The following TBCD variants were observed in gnomAD, a reference collection of about 807,000 sequenced individuals.
The protein encoded by TBCD is tubulin folding cofactor D, also known as tubulin-specific chaperone D.
TBCD carries 105 observed loss-of-function variants against 169.3 expected under a neutral mutation model. That is an observed-to-expected ratio of 0.62 (90% confidence interval 0.53 to 0.73). TBCD has a LOEUF of 0.73. Ranked by LOEUF, TBCD falls within the 30% of genes least tolerant of loss-of-function variation. The pLI is 0.00. For missense variants in TBCD, 1,444 were observed against 1,600.1 expected (o/e 0.90, Z 1.66); for synonymous variants, 700 against 643.9 (o/e 1.09, Z -1.32).
At chr17:82,830,780 C>T in intron 13 of TBCD, 1 of 1,613,598 alleles carries the variant, frequency 6.2e-7, no homozygotes, top group Non-Finnish European at 8.5e-7. Context: ...TTGAGGGGGC[C>T]CATCCCGGAG....
rs1385024579 is a variant in TBCD at position 82,789,142 on chromosome 17, C to T, written c.771+7421C>T. Among the ~76,000 whole-genome samples, 2 of 152,136 alleles carry T rather than the reference C, an allele frequency of 1.3e-5. No individual in the cohort carries two copies. The highest frequency in any genetic ancestry group is 1.3e-4 in the Admixed American group (2 of 15,274). ...GTGGGTACTTTCCAGAGATCATGCT[C>T]CTGTAGCATTTGGGTGAAACGAGGT... On this transcript the variant is annotated intron_variant, in intron 7 of 38. Transcript: ENST00000355528. This position sits in a 1 kb window ranked among gnomAD's most constrained non-coding sequence, Gnocchi z 4.8.
chr17:82,893,724 G>A (rs1376652821), intron 17 of TBCD, 92 bp downstream of exon 17: 3 of 905,386 alleles, frequency 3.3e-6, no homozygotes, highest in South Asian at 1.7e-5. Flanking sequence ...TTTTCATCCT[G>A]TAATGTCCAC....
chr17:82,917,322 T>A (rs1170113755), intron 23 of TBCD, among the ~76,000 whole-genome samples: 1 of 152,210 alleles, frequency 6.6e-6, no homozygotes, highest in African/African-American at 2.4e-5. Flanking sequence ...TTAAATTTCA[T>A]TGTCACAAAT....
At position 82,800,903 on chromosome 17, in the gene TBCD, C is replaced by T; in HGVS notation, c.857C>T (p.Pro286Leu). Residue 286 changes from proline to leucine, a missense_variant, in exon 9 of 39, where the codon CCT becomes CTT. Physicochemically the swap from Pro to Leu is moderately conservative, Grantham distance 98 (BLOSUM62 -3). Coordinates refer to ENST00000355528, the MANE Select transcript of TBCD (RefSeq NM_005993.5). ...VLRCLDGCRL[P>L]ESNQTLLRKL... is the part of the protein sequence containing the mutation. ...AGGTGCCTCGATGGCTGCAGACTCC[C>T]TGAGAGCAACCAGACCCTGCTGCGG... 6.2e-7 allele frequency: 1 copy of T among 1,612,852 alleles called. No individual in the cohort carries two copies. The highest frequency in any genetic ancestry group is 8.5e-7 in the Non-Finnish European group (1 of 1,179,624).
At chr17:82,772,732 C>T (rs2048369907) in intron 6 of TBCD, among the ~76,000 whole-genome samples, 1 of 152,162 alleles carries the variant, frequency 6.6e-6, no homozygotes, top group African/African-American at 2.4e-5. Flanking sequence ...TGGTGGGGGT[C>T]ACCTGACAGG....
intron 13 of TBCD, among the ~76,000 whole-genome samples, chr17:82,840,953 GGTTT>G (rs1438430339): frequency 0.25 from 17,455 of 69,644 alleles, 5,589 homozygotes; most frequent in East Asian, 0.4. Flanking sequence ...CAGACAAACT[GGTTT>G]TTTTTTTTTT....
chr17:82,772,409 G>A lies in TBCD; in HGVS notation c.583-43G>A, dbSNP rs367611814. 15 of 1,609,718 alleles carry A rather than the reference G, an allele frequency of 9.3e-6. No individual in the cohort carries two copies. In the Middle Eastern group the frequency reaches 5.0e-4, roughly 53 times the overall value. On this transcript the variant is annotated intron_variant, in intron 5 of 38. Transcript: ENST00000355528. Reference sequence around the variant, plus strand: ...ACTGTGTGGTGTCCCCAAGGCTGGCGTGTGCAGGAGTGACCGTGTCTGTGC... The same window carrying A: ...ACTGTGTGGTGTCCCCAAGGCTGGCATGTGCAGGAGTGACCGTGTCTGTGC...
chr17:82,758,009 C>G (rs1173584943), intron 2 of TBCD, among the ~76,000 whole-genome samples: 1 of 152,186 alleles, frequency 6.6e-6, no homozygotes, highest in Non-Finnish European at 1.5e-5. Flanking sequence ...AGACCTCTTT[C>G]CAGAGTGGAT....
chr17:82,846,196 G>C (rs898559956), intron 13 of TBCD, among the ~76,000 whole-genome samples: 4 of 152,152 alleles, frequency 2.6e-5, no homozygotes, highest in African/African-American at 9.7e-5. Context: ...CTCCCTCCAC[G>C]TGCTGCGTCC....
At chr17:82,812,314 TC>T (rs931727768) in intron 12 of TBCD, among the ~76,000 whole-genome samples, 85 of 152,240 alleles carry the variant, frequency 5.6e-4, no homozygotes, top group African/African-American at 2.0e-3. Context: ...ACGCTGTGCC[TC>T]CCCCTCGCCC....
rs141395071 is a variant in TBCD at position 82,792,496 on chromosome 17, T to C, written c.772-5261T>C. On this transcript the variant is annotated intron_variant, in intron 7 of 38. Transcript: ENST00000355528. ...AGTGCGATACACTGTCATGAACAGA[T>C]TGATAAATTAGGTGAAGGATGATGC... is the stretch of plus-strand genomic sequence containing the variant. Among the ~76,000 whole-genome samples, 13 of 152,294 alleles carry C rather than the reference T, an allele frequency of 8.5e-5. No individual in the cohort carries two copies. In the East Asian group the frequency reaches 2.5e-3, roughly 29 times the overall value.
intron 23 of TBCD, among the ~76,000 whole-genome samples, chr17:82,914,585 C>T (rs371820579): frequency 9.2e-5 from 14 of 152,268 alleles, no homozygotes; most frequent in African/African-American, 2.2e-4. Context: ...CGCACCGTGG[C>T]GGGCGTGTCC....
chr17:82,910,198 C>T (rs1020321782), intron 22 of TBCD, among the ~76,000 whole-genome samples: 3 of 152,208 alleles, frequency 2.0e-5, no homozygotes, highest in African/African-American at 7.2e-5. Flanking sequence ...ACATGTGTGA[C>T]TTCTCAGCAG....
chr17:82,855,023 T>C (rs1158945448), intron 13 of TBCD, among the ~76,000 whole-genome samples: 3 of 152,052 alleles, frequency 2.0e-5, no homozygotes, highest in Non-Finnish European at 4.4e-5. Flanking sequence ...AACAGAAGCA[T>C]TGGGGCGTCG....
At chr17:82,781,814 C>G (rs575033314) in intron 7 of TBCD, 93 bp downstream of exon 7, 3 of 1,543,364 alleles carry the variant, frequency 1.9e-6, no homozygotes, top group African/African-American at 1.4e-5. Context: ...TCCATCTTGA[C>G]GTAATTGGAA....
chr17:82,890,694 C>T lies in TBCD; in HGVS notation c.1563+997C>T, dbSNP rs1312890971. ...GGGGCGTGACTACTTCTTGCTGGCC[C>T]GAGGCAGCCGAGGCCCACCCAGCAT... On this transcript the variant is annotated intron_variant, in intron 16 of 38. Transcript: ENST00000355528. The surrounding 1 kb of genome is among the most constrained non-coding windows in gnomAD (Gnocchi z 5.3). 1.3e-5 allele frequency among the ~76,000 whole-genome samples: 2 copies of T among 152,112 alleles called. No individual in the cohort carries two copies. Among genetic ancestry groups the T allele is most frequent in the African/African-American group, 2.4e-5 (1 of 41,424 alleles).
chr17:82,766,273 G>A lies in TBCD; in HGVS notation c.340G>A (p.Gly114Ser), dbSNP rs756688672. Residue 114 changes from glycine to serine, a missense_variant, in exon 4 of 39, where the codon GGC becomes AGC. Coordinates refer to ENST00000355528, the MANE Select transcript of TBCD (RefSeq NM_005993.5). ...GCATCTCTTTATTTGATAGGTTCGA[G>A]GCTATAAAACATTTCTTCGTTTATT... ...KFLYIITKVR[G>S]YKTFLRLFPH... 3 of 1,609,812 alleles carry A rather than the reference G, an allele frequency of 1.9e-6. No homozygotes were observed. Among genetic ancestry groups the A allele is most frequent in the African/African-American group, 2.7e-5 (2 of 74,858 alleles).
chr17:82,857,319 G>A (rs1353636057), intron 13 of TBCD, among the ~76,000 whole-genome samples: 1 of 152,146 alleles, frequency 6.6e-6, no homozygotes, highest in East Asian at 1.9e-4. Flanking sequence ...TTGTCCTTTT[G>A]TTGTTGAGTT....
intron 13 of TBCD, among the ~76,000 whole-genome samples, chr17:82,854,149 T>C (rs2056054909): frequency 6.6e-6 from 1 of 152,264 alleles, no homozygotes; most frequent in Non-Finnish European, 1.5e-5. Flanking sequence ...TTTTAGTTCT[T>C]CTTGTTTAAC....
Sources: gnomAD v4.1 joint callset for allele counts (sites outside exome capture counted in the v4.1 genomes callset) on GRCh38, gnomAD v4.1.1 for gene constraint, Gnocchi (gnomAD v3.1) non-coding constraint, MANE v1.5 for transcripts, NCBI Gene and HGNC (gene_info 2026-07-23, HGNC 2026-07-21) for gene names.